The following MOB3B variants were observed in gnomAD, a reference collection of about 807,000 sequenced individuals.
MOB3B encodes MOB kinase activator-like 2B.
MOB3B carries 7 observed loss-of-function variants against 18.7 expected under a neutral mutation model. The ratio of observed to expected loss-of-function variants is 0.37; its 90% CI spans 0.21 to 0.70. MOB3B has a LOEUF of 0.70. Ranked by LOEUF, MOB3B falls within the 30% of genes least tolerant of loss-of-function variation. MOB3B has a pLI of 0.52. For missense variants in MOB3B, 253 were observed against 281.3 expected (o/e 0.90, Z 0.72); for synonymous variants, 111 against 99.9 (o/e 1.11, Z -0.66).
chr9:27,358,556 C>T (rs1587153048), intron 3 of MOB3B, among the ~76,000 whole-genome samples: 2 of 152,220 alleles, frequency 1.3e-5, no homozygotes, highest in Non-Finnish European at 2.9e-5. Context: ...GGCTTAACTT[C>T]TGTCACTACC....
At chr9:27,463,411 C>T (rs544757848) in intron 1 of MOB3B, among the ~76,000 whole-genome samples, 1 of 152,132 alleles carries the variant, frequency 6.6e-6, no homozygotes, top group Admixed American at 6.6e-5. Flanking sequence ...AAAAGTGCCT[C>T]TTTAGACAGT....
At chr9:27,404,771 T>C (rs920455877) in intron 2 of MOB3B, among the ~76,000 whole-genome samples, 3 of 152,196 alleles carry the variant, frequency 2.0e-5, no homozygotes, top group African/African-American at 7.2e-5. Context: ...TTCTTTTGGA[T>C]ATATACTCAG....
chr9:27,439,372 C>T (rs1242524546), intron 2 of MOB3B, among the ~76,000 whole-genome samples: 1 of 152,108 alleles, frequency 6.6e-6, no homozygotes, highest in Admixed American at 6.6e-5. Context: ...GCCGGTGAGA[C>T]TTTTATCTTT....
intron 2 of MOB3B, among the ~76,000 whole-genome samples, chr9:27,380,909 A>G (rs528824212): frequency 2.0e-5 from 3 of 152,286 alleles, no homozygotes; most frequent in South Asian, 4.1e-4. Context: ...AGGAAGTTCA[A>G]TTTAACCTGG....
intron 2 of MOB3B, among the ~76,000 whole-genome samples, chr9:27,414,559 A>C (rs1368868977): frequency 6.6e-6 from 1 of 152,230 alleles, no homozygotes; most frequent in Non-Finnish European, 1.5e-5. Context: ...CAGACTCTTG[A>C]ACAAAAGTCA....
At chr9:27,344,981 A>G (rs903338416) in intron 3 of MOB3B, among the ~76,000 whole-genome samples, 12 of 152,382 alleles carry the variant, frequency 7.9e-5, no homozygotes, top group Admixed American at 6.5e-4. Flanking sequence ...TGGTCGTGTC[A>G]AGTGAAGCCA....
chr9:27,416,143 T>C (rs570199122), intron 2 of MOB3B, among the ~76,000 whole-genome samples: 2 of 152,312 alleles, frequency 1.3e-5, no homozygotes, highest in Admixed American at 1.3e-4. Flanking sequence ...TATTATTGAA[T>C]TCTGAATAAC....
chr9:27,514,345 C>CAAAAAAAAAA lies in MOB3B; in HGVS notation c.-199+15200_-199+15209dup, dbSNP rs34526085. Among the ~76,000 whole-genome samples, 27 of 77,600 alleles carry CAAAAAAAAAA rather than the reference C, an allele frequency of 3.5e-4. 1 individual carries two copies. Among genetic ancestry groups the CAAAAAAAAAA allele is most frequent in the South Asian group, 5.2e-4 (1 of 1,924 alleles). The allele number at this position is 77,600 out of a possible 152,430, so 50.9% of individuals were successfully genotyped here. On this transcript the variant is annotated intron_variant, in intron 1 of 3. Coordinates refer to ENST00000262244, the MANE Select transcript of MOB3B (RefSeq NM_024761.5). Reference sequence around the variant, plus strand: ...TCAACGCAGAATAAGACCACAAGCTCAAAAAAAAAAAAAAAAAAAAAAAGA... The same window carrying CAAAAAAAAAA: ...TCAACGCAGAATAAGACCACAAGCTCAAAAAAAAAAAAAAAAAAAAAAAAAAAAAAAAAGA...
At chr9:27,522,958 C>T (rs1048416089) in intron 1 of MOB3B, among the ~76,000 whole-genome samples, 5 of 151,448 alleles carry the variant, frequency 3.3e-5, no homozygotes, top group Non-Finnish European at 5.9e-5. Context: ...TTCCTAAAAG[C>T]CAGGATTTTA....
chr9:27,450,004 C>T (rs1822759299), intron 2 of MOB3B, among the ~76,000 whole-genome samples: 1 of 141,520 alleles, frequency 7.1e-6, no homozygotes, highest in African/African-American at 2.6e-5. Context: ...AAAAAAAAAA[C>T]TTAAAATGTA....
At chr9:27,355,340 G>C (rs1821170073) in intron 3 of MOB3B, among the ~76,000 whole-genome samples, 1 of 152,156 alleles carries the variant, frequency 6.6e-6, no homozygotes, top group African/African-American at 2.4e-5. Flanking sequence ...GGTGGCGTGG[G>C]AACTCTGGGA....
At chr9:27,430,595 G>C (rs1008804088) in intron 2 of MOB3B, among the ~76,000 whole-genome samples, 5 of 152,058 alleles carry the variant, frequency 3.3e-5, no homozygotes, top group Non-Finnish European at 7.4e-5. Context: ...CTAAAATAGT[G>C]TGTCTGCATC....
At chr9:27,377,462 AG>A (rs1821505869) in intron 2 of MOB3B, among the ~76,000 whole-genome samples, 1 of 152,078 alleles carries the variant, frequency 6.6e-6, no homozygotes, top group Non-Finnish European at 1.5e-5. Context: ...CAGGGGTGGG[AG>A]GAAGGGGAGA....
intron 2 of MOB3B, among the ~76,000 whole-genome samples, chr9:27,415,725 A>G (rs1406891756): frequency 2.6e-5 from 4 of 152,174 alleles, no homozygotes; most frequent in Non-Finnish European, 5.9e-5. Flanking sequence ...GTCCTAGCTA[A>G]TTTCAATGGA....
intron 2 of MOB3B, among the ~76,000 whole-genome samples, chr9:27,447,271 C>A (rs781592152): frequency 5.3e-5 from 8 of 152,154 alleles, no homozygotes; most frequent in South Asian, 2.1e-4. Flanking sequence ...TGCTGATACA[C>A]CCCTTAAAGC....
At chr9:27,414,442 C>G (rs570437788) in intron 2 of MOB3B, among the ~76,000 whole-genome samples, 4 of 152,332 alleles carry the variant, frequency 2.6e-5, no homozygotes, top group Admixed American at 2.0e-4. Context: ...CTCATGGCCT[C>G]CATTCAATTA....
intron 1 of MOB3B, among the ~76,000 whole-genome samples, chr9:27,478,067 T>C (rs866607141): frequency 6.6e-6 from 1 of 152,166 alleles, no homozygotes; most frequent in Non-Finnish European, 1.5e-5. Flanking sequence ...TTAAAAAAAC[T>C]AAATAGAACA....
At chr9:27,503,579 C>T (rs1354411866) in intron 1 of MOB3B, among the ~76,000 whole-genome samples, 12 of 152,194 alleles carry the variant, frequency 7.9e-5, no homozygotes, top group Admixed American at 7.9e-4. Flanking sequence ...ATACTCTGCC[C>T]CAGATTCTGA....
chr9:27,328,165 T>A lies in MOB3B; in HGVS notation c.*2422A>T, dbSNP rs866217830. 52 of 152,076 alleles carry A rather than the reference T, an allele frequency of 3.4e-4. No individual in the cohort carries two copies. Among genetic ancestry groups the A allele is most frequent in the African/African-American group, 1.0e-3 (42 of 41,562 alleles). 9.4% of individuals were successfully genotyped at this position (152,076 alleles called of 1,614,324 possible). On this transcript the variant is annotated 3_prime_UTR_variant, in exon 4 of 4. Coordinates refer to ENST00000262244, the MANE Select transcript of MOB3B (RefSeq NM_024761.5). ...TATAATCTTTCAACTTTGAAACTTT[T>A]ACTTTAAAATTTCCCAAAATTAAAA...
Sources: allele counts gnomAD v4.1 joint callset (sites outside exome capture counted in the v4.1 genomes callset), GRCh38; gene constraint gnomAD v4.1.1; transcripts MANE v1.5; gene names NCBI Gene and HGNC (gene_info 2026-07-23, HGNC 2026-07-21).